The following ZNF892 variants were observed in gnomAD, a reference collection of about 807,000 sequenced individuals.
The protein encoded by ZNF892 is zinc finger protein 892.
At chr2:95,237,498 C>T in the ZNF892 span, among the ~76,000 whole-genome samples, 91 of 152,258 alleles carry the variant, frequency 6.0e-4, no homozygotes, top group African/African-American at 2.1e-3. Context: ...CTCCCCTCCC[C>T]ACCTTCCTAG....
chr2:95,233,113 C>T, the ZNF892 span, among the ~76,000 whole-genome samples: 3 of 152,112 alleles, frequency 2.0e-5, no homozygotes, highest in Non-Finnish European at 4.4e-5. Context: ...CACCTTTGTC[C>T]AGAGTTTCTT....
the ZNF892 span, among the ~76,000 whole-genome samples, chr2:95,254,013 A>G: frequency 6.6e-6 from 1 of 152,372 alleles, no homozygotes; most frequent in South Asian, 2.1e-4. Flanking sequence ...ATATACAATC[A>G]TGTCATCTGC....
the ZNF892 span, among the ~76,000 whole-genome samples, chr2:95,220,654 A>T: frequency 2.0e-5 from 3 of 152,200 alleles, no homozygotes; most frequent in Non-Finnish European, 4.4e-5. Context: ...GTTGTGGTAT[A>T]TATAGGGTTT....
chr2:95,209,435 G>GT, the ZNF892 span, among the ~76,000 whole-genome samples: 5 of 152,100 alleles, frequency 3.3e-5, no homozygotes, highest in African/African-American at 7.2e-5. Flanking sequence ...CCTCATGAAG[G>GT]TTTTTAGAGG....
the ZNF892 span, chr2:95,208,736 A>C: frequency 2.5e-6 from 1 of 398,664 alleles, no homozygotes; most frequent in Non-Finnish European, 4.4e-6. Context: ...CTGGGTCCCA[A>C]GTAAGTTTAG....
At chr2:95,249,520 T>G in the ZNF892 span, among the ~76,000 whole-genome samples, 10 of 151,738 alleles carry the variant, frequency 6.6e-5, no homozygotes, top group Admixed American at 6.6e-4. Flanking sequence ...GTGCTGAGAT[T>G]ACAGGCGTGA....
At chr2:95,216,448 CA>C in the ZNF892 span, among the ~76,000 whole-genome samples, 1 of 152,068 alleles carries the variant, frequency 6.6e-6, no homozygotes, top group Admixed American at 6.6e-5. Context: ...TGCTTATTTA[CA>C]AAGATTTACC....
the ZNF892 span, among the ~76,000 whole-genome samples, chr2:95,261,169 G>T: frequency 1.3e-5 from 2 of 152,202 alleles, no homozygotes; most frequent in African/African-American, 2.4e-5. Flanking sequence ...GGCAGGCAGA[G>T]CCCAGAGAGA....
At chr2:95,208,191 A>G in the ZNF892 span, among the ~76,000 whole-genome samples, 1 of 152,122 alleles carries the variant, frequency 6.6e-6, no homozygotes, top group African/African-American at 2.4e-5. Flanking sequence ...TTTGTTTACA[A>G]TCCTGTTTTG....
chr2:95,248,932 T>G, the ZNF892 span, among the ~76,000 whole-genome samples: 1 of 151,984 alleles, frequency 6.6e-6, no homozygotes, highest in Non-Finnish European at 1.5e-5. Context: ...TCTACTTTTT[T>G]GCATACCTTA....
chr2:95,207,043 A>C, the ZNF892 span, among the ~76,000 whole-genome samples: 1 of 152,218 alleles, frequency 6.6e-6, no homozygotes, highest in Admixed American at 6.5e-5. Flanking sequence ...TTGGGGTTGA[A>C]GTGATTTCGG....
At chr2:95,237,576 C>CT in the ZNF892 span, among the ~76,000 whole-genome samples, 2 of 152,108 alleles carry the variant, frequency 1.3e-5, no homozygotes, top group Admixed American at 6.5e-5. Context: ...ACAATGGCCT[C>CT]TAAGTGTTCA....
At chr2:95,258,563 A>T in the ZNF892 span, among the ~76,000 whole-genome samples, 2 of 152,190 alleles carry the variant, frequency 1.3e-5, no homozygotes, top group Non-Finnish European at 2.9e-5. Context: ...TACCATAACT[A>T]GGGGCAAGGA....
chr2:95,231,825 A>G, the ZNF892 span, among the ~76,000 whole-genome samples: 2 of 152,148 alleles, frequency 1.3e-5, no homozygotes, highest in African/African-American at 2.4e-5. Context: ...ACCAGGTGGC[A>G]GTGTCATATC....
the ZNF892 span, among the ~76,000 whole-genome samples, chr2:95,254,495 G>T: frequency 4.6e-5 from 7 of 152,204 alleles, no homozygotes; most frequent in Non-Finnish European, 8.8e-5. Context: ...GTATTTTATT[G>T]AGGATTTTTG....
chr2:95,207,190 G>A, the ZNF892 span, among the ~76,000 whole-genome samples: 1 of 152,246 alleles, frequency 6.6e-6, no homozygotes, highest in Non-Finnish European at 1.5e-5. Context: ...ACCGCCGGGC[G>A]CCTCCCCTCC....
the ZNF892 span, chr2:95,211,816 T>C: frequency 1.0e-5 from 4 of 397,706 alleles, no homozygotes; most frequent in Non-Finnish European, 1.8e-5. Flanking sequence ...ATTCAATGAT[T>C]CTTAATTCTA....
At chr2:95,227,011 G>C in the ZNF892 span, among the ~76,000 whole-genome samples, 1 of 152,076 alleles carries the variant, frequency 6.6e-6, no homozygotes. Context: ...TTTATTAAAT[G>C]AATTATTTTT....
chr2:95,213,526 A>G, the ZNF892 span, among the ~76,000 whole-genome samples: 1 of 152,180 alleles, frequency 6.6e-6, no homozygotes, highest in East Asian at 1.9e-4. Context: ...TTGGGGACTC[A>G]TCTGAACACA....
Sources: allele counts gnomAD v4.1 joint callset (sites outside exome capture counted in the v4.1 genomes callset), GRCh38; gene constraint gnomAD v4.1.1; transcripts MANE v1.5; gene names NCBI Gene and HGNC (gene_info 2026-07-23, HGNC 2026-07-21).